The following LRRC4C variants were observed in gnomAD, a reference collection of about 807,000 sequenced individuals.
LRRC4C encodes leucine rich repeat containing 4C, also known as leucine-rich repeat-containing protein 4C.
LRRC4C carries 5 observed loss-of-function variants against 33.6 expected under a neutral mutation model. That is an observed-to-expected ratio of 0.15 (90% confidence interval 0.08 to 0.31). The LOEUF is 0.31. Among genes scored for constraint, LRRC4C ranks in the 10% least tolerant of loss-of-function variants. The probability of loss-of-function intolerance (pLI) is 1.00; values close to 1 mark genes in which losing one functional copy is unlikely to be tolerated. For missense variants in LRRC4C, 560 were observed against 796.7 expected (o/e 0.70, Z 3.58); for synonymous variants, 329 against 302.0 (o/e 1.09, Z -0.93).
At chr11:40,833,796 G>A (rs1055981286) in intron 2 of LRRC4C, among the ~76,000 whole-genome samples, 1 of 151,970 alleles carries the variant, frequency 6.6e-6, no homozygotes, top group African/African-American at 2.4e-5. Flanking sequence ...TTTTTGAATT[G>A]TGGATAAGTG....
intron 2 of LRRC4C, among the ~76,000 whole-genome samples, chr11:40,660,766 G>C (rs988930943): frequency 2.0e-5 from 3 of 152,044 alleles, no homozygotes; most frequent in African/African-American, 7.2e-5. Context: ...TGATAGTTTT[G>C]TGCCCATTTA....
chr11:40,651,365 A>C (rs961967075), intron 2 of LRRC4C, among the ~76,000 whole-genome samples: 1 of 151,684 alleles, frequency 6.6e-6, no homozygotes, highest in Non-Finnish European at 1.5e-5. Flanking sequence ...GGGGGAGAGG[A>C]GAGAGAGAGA....
At chr11:41,377,761 G>A (rs530768482) in intron 1 of LRRC4C, among the ~76,000 whole-genome samples, 1 of 152,204 alleles carries the variant, frequency 6.6e-6, no homozygotes, top group South Asian at 2.1e-4. Flanking sequence ...GCCTTGGTGT[G>A]GCCTACTGGG....
At chr11:40,220,272 C>T (rs1183682503) in intron 5 of LRRC4C, among the ~76,000 whole-genome samples, 1 of 152,114 alleles carries the variant, frequency 6.6e-6, no homozygotes, top group Non-Finnish European at 1.5e-5. Flanking sequence ...CTGTCGACTC[C>T]TACACCTCCC....
At position 40,183,054 on chromosome 11, in the gene LRRC4C, A is replaced by G. The variant is rs192326996; in HGVS notation, c.-95-42201T>C. ...TTACCTGAGCTATTAACCACTACAT[A>G]TGCTACTGCCTATAAGAATGTAGCT... On this transcript the variant is annotated intron_variant, in intron 5 of 6. Transcript: ENST00000528697. Among the ~76,000 whole-genome samples, 12 of 152,334 alleles carry G rather than the reference A, an allele frequency of 7.9e-5. No homozygotes were observed. The East Asian group carries it at 2.3e-3, about 29-fold the overall frequency.
intron 1 of LRRC4C, among the ~76,000 whole-genome samples, chr11:41,060,426 AT>A (rs2135358711): frequency 6.6e-6 from 1 of 152,164 alleles, no homozygotes. Flanking sequence ...CTTGAAACCT[AT>A]GATCATAGTG....
intron 5 of LRRC4C, among the ~76,000 whole-genome samples, chr11:40,205,229 T>A (rs1863057854): frequency 6.6e-6 from 1 of 152,160 alleles, no homozygotes; most frequent in South Asian, 2.1e-4. Flanking sequence ...AGGGGTTTTG[T>A]TTTACCTGAG....
intron 1 of LRRC4C, among the ~76,000 whole-genome samples, chr11:41,189,504 C>T (rs894437786): frequency 6.6e-6 from 1 of 151,992 alleles, no homozygotes. Context: ...TGGATTCCTG[C>T]AAAATGGGAA....
intron 3 of LRRC4C, among the ~76,000 whole-genome samples, chr11:40,525,168 C>T (rs140558225): frequency 2.2e-4 from 33 of 152,126 alleles, no homozygotes; most frequent in Admixed American, 1.0e-3. Context: ...GGGGCTGGGC[C>T]GGGCGCCGTG....
chr11:41,281,276 T>G (rs920365269), intron 1 of LRRC4C, among the ~76,000 whole-genome samples: 1 of 152,056 alleles, frequency 6.6e-6, no homozygotes, highest in African/African-American at 2.4e-5. Context: ...TAAATAGAAA[T>G]GAGATAGTAA....
At chr11:40,382,151 TTTTTG>T (rs1311348654) in intron 3 of LRRC4C, among the ~76,000 whole-genome samples, 14 of 130,624 alleles carry the variant, frequency 1.1e-4, no homozygotes, top group Admixed American at 3.1e-4. Flanking sequence ...TTTTTTTTTT[TTTTTG>T]TATTTCTAGT....
At chr11:40,437,359 T>C (rs952886075) in intron 3 of LRRC4C, among the ~76,000 whole-genome samples, 5 of 152,142 alleles carry the variant, frequency 3.3e-5, no homozygotes, top group Non-Finnish European at 7.4e-5. Context: ...GAGCCTGTCT[T>C]TCCTCTGCTT....
chr11:40,738,915 C>G (rs966789411), intron 2 of LRRC4C, among the ~76,000 whole-genome samples: 1 of 151,920 alleles, frequency 6.6e-6, no homozygotes, highest in Non-Finnish European at 1.5e-5. Context: ...ATTGAATCTA[C>G]TTTTGGGTAC....
intron 3 of LRRC4C, among the ~76,000 whole-genome samples, chr11:40,465,109 G>A (rs555279524): frequency 2.0e-5 from 3 of 151,950 alleles, no homozygotes; most frequent in Non-Finnish European, 4.4e-5. Context: ...ATATAAAATA[G>A]ACTCATAAAT....
chr11:41,015,186 C>G (rs562169310), intron 1 of LRRC4C, among the ~76,000 whole-genome samples: 1 of 152,226 alleles, frequency 6.6e-6, no homozygotes, highest in Non-Finnish European at 1.5e-5. Context: ...AGTCCACCAA[C>G]TCTCTTAGAT....
chr11:40,169,577 G>T (rs911267176), intron 5 of LRRC4C, among the ~76,000 whole-genome samples: 2 of 152,032 alleles, frequency 1.3e-5, no homozygotes, highest in Admixed American at 6.6e-5. Flanking sequence ...GCACAGATTT[G>T]CAATATAATA....
At chr11:40,789,105 A>AG (rs1464147672) in intron 2 of LRRC4C, among the ~76,000 whole-genome samples, 1 of 151,284 alleles carries the variant, frequency 6.6e-6, no homozygotes, top group Non-Finnish European at 1.5e-5. Context: ...AAAAAAAAAA[A>AG]AAAAAAAAAA....
chr11:41,106,989 G>A (rs1941538202), intron 1 of LRRC4C, among the ~76,000 whole-genome samples: 1 of 146,180 alleles, frequency 6.8e-6, no homozygotes, highest in Admixed American at 7.0e-5. Flanking sequence ...TCTAGCTTGG[G>A]TGAGAGAGTG....
Position 40,275,371 on chromosome 11 carries a change from G to T in LRRC4C, c.-175-33773C>A, listed in dbSNP as rs80266711. ...CCTTATAACTTTAATCCAATGGGAG[G>T]CTGGAAAAAGAAACATCTTGCACAC... On this transcript the variant is annotated intron_variant, in intron 4 of 6. Coordinates refer to ENST00000528697, the MANE Select transcript of LRRC4C (RefSeq NM_001258419.2). Among the ~76,000 whole-genome samples, 918 of 152,176 alleles carry T rather than the reference G, an allele frequency of 6.0e-3. 9 individuals carry two copies. The highest frequency in any genetic ancestry group is 0.021 in the African/African-American group (881 of 41,544).
Sources: gnomAD v4.1 joint callset for allele counts (sites outside exome capture counted in the v4.1 genomes callset) on GRCh38, gnomAD v4.1.1 for gene constraint, MANE v1.5 for transcripts, NCBI Gene and HGNC (gene_info 2026-07-23, HGNC 2026-07-21) for gene names.